Variants in EFCAB5 observed in about 807,000 individuals in gnomAD.
The protein encoded by EFCAB5 is EF-hand calcium-binding domain-containing protein 5.
Under a neutral mutation model 167.9 loss-of-function variants are expected in EFCAB5, and 131 were observed. The ratio of observed to expected loss-of-function variants is 0.78; its 90% CI spans 0.68 to 0.90. The LOEUF is 0.90. Among genes scored for constraint, EFCAB5 ranks in the 40% least tolerant of loss-of-function variants. EFCAB5 has a pLI of 0.00. For synonymous variants in EFCAB5, 574 were observed against 602.8 expected (o/e 0.95, Z 0.70); for missense variants, 1,663 against 1,745.2 (o/e 0.95, Z 0.84).
Position 30,108,237 on chromosome 17 carries a change from A to T in EFCAB5, c.*213A>T. 2.2e-6 allele frequency: 1 copy of T among 450,330 alleles called. No individual in the cohort carries two copies. Among genetic ancestry groups the T allele is most frequent in the Non-Finnish European group, 3.9e-6 (1 of 257,394 alleles). The allele number at this position is 450,330 out of a possible 1,614,324, so 27.9% of individuals were successfully genotyped here. On this transcript the variant is annotated 3_prime_UTR_variant, in exon 23 of 23. Coordinates refer to ENST00000394835, the MANE Select transcript of EFCAB5 (RefSeq NM_198529.4). ...AGCTAAGGTAGCCATAGCCAAGTGTATTTAAGTATGTTATAGAATATATTT... is the reference window on the plus strand; with the variant it reads ...AGCTAAGGTAGCCATAGCCAAGTGTTTTTAAGTATGTTATAGAATATATTT...
chr17:30,108,141 G>C lies in EFCAB5; in HGVS notation c.*117G>C. ...GGGGTACCTATAAATGTCTTCTGCT[G>C]CTAATATTTATCTCAGCACTTTCTA... On this transcript the variant is annotated 3_prime_UTR_variant, in exon 23 of 23. Transcript: ENST00000394835. 1.7e-6 allele frequency: 2 copies of C among 1,189,720 alleles called. No homozygotes were observed. Among genetic ancestry groups the C allele is most frequent in the Non-Finnish European group, 2.3e-6 (2 of 873,542 alleles). 73.7% of individuals were successfully genotyped at this position (1,189,720 alleles called of 1,614,324 possible).
Position 30,053,461 on chromosome 17 carries a change from C to A in EFCAB5, c.1507C>A (p.Pro503Thr). The change falls in exon 10 of 23, where the codon CCA becomes ACA. Residue 503 changes from proline to threonine, a missense_variant. By Grantham distance (38) the Pro-to-Thr change is conservative (BLOSUM62 -1). Coordinates refer to ENST00000394835, the MANE Select transcript of EFCAB5 (RefSeq NM_198529.4). ...CGAACAGAGAACATCAACACCATCACCAAACCCGCCAGAACAGCAGAGAGG... is the reference window on the plus strand; with the variant it reads ...CGAACAGAGAACATCAACACCATCAACAAACCCGCCAGAACAGCAGAGAGG... ...LNEQRTSTPSPNPPEQQRGVT... is the reference protein window; with the variant it reads ...LNEQRTSTPSTNPPEQQRGVT... 4.3e-6 allele frequency: 7 copies of A among 1,613,968 alleles called. No individual in the cohort carries two copies. Among genetic ancestry groups the A allele is most frequent in the Non-Finnish European group, 5.9e-6 (7 of 1,179,892 alleles).
chr17:30,096,304 GA>G (rs2071285795), intron 22 of EFCAB5, among the ~76,000 whole-genome samples: 1 of 152,162 alleles, frequency 6.6e-6, no homozygotes, highest in Non-Finnish European at 1.5e-5. Flanking sequence ...TAGTTATTAA[GA>G]GGAACAACTA....
intron 4 of EFCAB5, among the ~76,000 whole-genome samples, 160 bp downstream of exon 4, chr17:29,969,527 C>A (rs898609844): frequency 1.1e-4 from 16 of 152,116 alleles, no homozygotes; most frequent in Non-Finnish European, 1.5e-4. Context: ...CTTTTTGAGG[C>A]ACTGTGAAGA....
chr17:30,037,170 T>C (rs1204620628), intron 8 of EFCAB5, among the ~76,000 whole-genome samples: 2 of 152,134 alleles, frequency 1.3e-5, no homozygotes, highest in Non-Finnish European at 2.9e-5. Context: ...GTAGCAGCTA[T>C]AGAAGGTAGG....
Position 29,996,365 on chromosome 17 carries a change from G to A in EFCAB5, c.973+5G>A, listed in dbSNP as rs138419389. The A allele has an allele frequency of 1.9e-5, 30 of 1,548,594 alleles. No homozygotes were observed. Among genetic ancestry groups the A allele is most frequent in the Non-Finnish European group, 2.4e-5 (27 of 1,145,052 alleles). ...AAAATCCAGATTTCAAGCTTGGTAA[G>A]TCTGCCTATTACTCTGATATTTTTA... On this transcript the variant is annotated splice_donor_5th_base_variant and intron_variant, in intron 6 of 22. Coordinates refer to ENST00000394835, the MANE Select transcript of EFCAB5 (RefSeq NM_198529.4).
intron 22 of EFCAB5, among the ~76,000 whole-genome samples, chr17:30,103,947 G>A (rs1187302852): frequency 6.6e-6 from 1 of 152,192 alleles, no homozygotes; most frequent in East Asian, 1.9e-4. Flanking sequence ...TGAGGTGGAG[G>A]TTGCAGTGAG....
chr17:30,034,508 G>A (rs2069566957), intron 8 of EFCAB5, 123 bp downstream of exon 8: 1 of 1,164,266 alleles, frequency 8.6e-7, no homozygotes, highest in Non-Finnish European at 1.2e-6. Context: ...AGACCAGCCT[G>A]GACAACATGG....
intron 3 of EFCAB5, among the ~76,000 whole-genome samples, chr17:29,954,842 G>T (rs1031676738): frequency 6.6e-6 from 1 of 152,236 alleles, no homozygotes; most frequent in East Asian, 1.9e-4. Flanking sequence ...AGCCACAGGG[G>T]CAGAGCTGCC....
At chr17:29,934,605 A>T (rs966018836) in intron 1 of EFCAB5, among the ~76,000 whole-genome samples, 1 of 152,222 alleles carries the variant, frequency 6.6e-6, no homozygotes, top group Non-Finnish European at 1.5e-5. Flanking sequence ...CTGAGGCTGT[A>T]AGTCCTGCTC....
chr17:29,996,543 A>G (rs1332446603), intron 6 of EFCAB5, among the ~76,000 whole-genome samples, 183 bp downstream of exon 6: 1 of 152,188 alleles, frequency 6.6e-6, no homozygotes, highest in Non-Finnish European at 1.5e-5. Flanking sequence ...TGTGATTCTC[A>G]ATCCTTTTAG....
Position 30,025,216 on chromosome 17 carries a change from T to G in EFCAB5, c.1045-9014T>G, listed in dbSNP as rs563445397. Among the ~76,000 whole-genome samples, 8 of 150,190 alleles carry G rather than the reference T, an allele frequency of 5.3e-5. No homozygotes were observed. In the South Asian group the frequency reaches 1.7e-3, roughly 31 times the overall value. On this transcript the variant is annotated intron_variant, in intron 7 of 22. Transcript: ENST00000394835. ...TTCTGCACAGCAAAAGAAACTACCA[T>G]CAGAGTGAACAGGCAACCTACAAAA...
chr17:30,092,269 T>C, intron 21 of EFCAB5, 112 bp downstream of exon 21: 5 of 1,128,046 alleles, frequency 4.4e-6, no homozygotes, highest in Non-Finnish European at 6.1e-6. Flanking sequence ...GAATTTTTAC[T>C]GAGTGGAACA....
chr17:29,982,477 T>G (rs1457234918), intron 4 of EFCAB5, among the ~76,000 whole-genome samples: 1 of 152,132 alleles, frequency 6.6e-6, no homozygotes. Context: ...AAACAAACAC[T>G]GAGTTTATTA....
At position 30,054,013 on chromosome 17, in the gene EFCAB5, C is replaced by G. The variant is rs1488984690; in HGVS notation, c.2059C>G (p.Pro687Ala). The change falls in exon 10 of 23, where the codon CCT becomes GCT. Residue 687 changes from proline (P) to alanine (A), a missense_variant. By Grantham distance (27) the Pro-to-Ala change is conservative. Coordinates refer to ENST00000394835, the MANE Select transcript of EFCAB5 (RefSeq NM_198529.4). ...CTTAAAAAGTACAAAATATGGGGAA[C>G]CTATAACCTCTGAGTACATTGAAGT... is the stretch of plus-strand genomic sequence containing the variant. ...SILKSTKYGEPITSEYIEVPL... is the reference protein window; with the variant it reads ...SILKSTKYGEAITSEYIEVPL... 1 of 1,609,704 alleles carries G rather than the reference C, an allele frequency of 6.2e-7. No individual in the cohort carries two copies. Among genetic ancestry groups the G allele is most frequent in the Non-Finnish European group, 8.5e-7 (1 of 1,177,582 alleles).
intron 7 of EFCAB5, among the ~76,000 whole-genome samples, chr17:30,022,326 C>T (rs189331762): frequency 6.6e-6 from 1 of 152,202 alleles, no homozygotes; most frequent in Admixed American, 6.6e-5. Flanking sequence ...TGGAGACACA[C>T]ATGTGCACAG....
intron 8 of EFCAB5, among the ~76,000 whole-genome samples, chr17:30,046,598 G>A (rs1206051604): frequency 1.3e-5 from 2 of 152,188 alleles, no homozygotes; most frequent in African/African-American, 4.8e-5. Context: ...TTACATTAAA[G>A]TTAGCACATT....
At chr17:29,931,785 A>G (rs1461771884) in intron 1 of EFCAB5, among the ~76,000 whole-genome samples, 1 of 152,230 alleles carries the variant, frequency 6.6e-6, no homozygotes, top group Non-Finnish European at 1.5e-5. Flanking sequence ...TTTATGAACC[A>G]AAGTATCATT....
Position 30,097,053 on chromosome 17 carries a change from T to TACATATACATATAC in EFCAB5, c.4321+4118_4321+4119insCATATACATATACA, listed in dbSNP as rs201621184. Among the ~76,000 whole-genome samples, 298 of 91,510 alleles carry TACATATACATATAC rather than the reference T, an allele frequency of 3.3e-3. 3 individuals carry two copies. The highest frequency in any genetic ancestry group is 0.012 in the Middle Eastern group (2 of 170). 60.0% of individuals were successfully genotyped at this position (91,510 alleles called of 152,430 possible). Reference sequence around the variant, plus strand: ...ATACATATACATATACATATACATATATATATATTTTTTTTTTTTTGAGAT... The same window carrying TACATATACATATAC: ...ATACATATACATATACATATACATATACATATACATATACATATATATTTTTTTTTTTTTGAGAT... On this transcript the variant is annotated intron_variant, in intron 22 of 22. Coordinates refer to ENST00000394835, the MANE Select transcript of EFCAB5 (RefSeq NM_198529.4).
Sources: gnomAD v4.1 joint callset for allele counts (sites outside exome capture counted in the v4.1 genomes callset) on GRCh38, gnomAD v4.1.1 for gene constraint, MANE v1.5 for transcripts, NCBI Gene and HGNC (gene_info 2026-07-23, HGNC 2026-07-21) for gene names.